Variants in USP47 observed in about 807,000 individuals in gnomAD.
The protein encoded by USP47 is ubiquitin specific peptidase 47, also known as ubiquitin carboxyl-terminal hydrolase 47.
Under a neutral mutation model 165.1 loss-of-function variants are expected in USP47, and 35 were observed. The ratio of observed to expected loss-of-function variants is 0.21; its 90% CI spans 0.16 to 0.28. USP47 has a LOEUF of 0.28. Among genes scored for constraint, USP47 ranks in the 10% least tolerant of loss-of-function variants. USP47 has a pLI of 1.00. For synonymous variants in USP47, 531 were observed against 544.5 expected (o/e 0.98, Z 0.35); for missense variants, 1,277 against 1,607.4 (o/e 0.79, Z 3.52).
intron 20 of USP47, among the ~76,000 whole-genome samples, chr11:11,945,857 C>G (rs1369558091): frequency 6.6e-6 from 1 of 151,512 alleles, no homozygotes; most frequent in Non-Finnish European, 1.5e-5. Context: ...ATCACTTGAG[C>G]CCAGAGGAGA....
chr11:11,850,718 T>C (rs2134136225), intron 1 of USP47, among the ~76,000 whole-genome samples: 1 of 152,316 alleles, frequency 6.6e-6, no homozygotes, highest in East Asian at 1.9e-4. Context: ...TCTTAGTCCA[T>C]TTGGGCTGCA....
intron 4 of USP47, among the ~76,000 whole-genome samples, chr11:11,895,745 G>A (rs1221015247): frequency 6.7e-6 from 1 of 150,296 alleles, no homozygotes; most frequent in Non-Finnish European, 1.5e-5. Flanking sequence ...CCTGTCTTTG[G>A]CCAGTTTTTT....
intron 1 of USP47, among the ~76,000 whole-genome samples, chr11:11,874,240 G>A (rs1482868703): frequency 6.6e-6 from 1 of 152,138 alleles, no homozygotes; most frequent in Non-Finnish European, 1.5e-5. Flanking sequence ...CAGAGCCTGT[G>A]TGCACTACAG....
chr11:11,903,644 T>G (rs1418917024), intron 7 of USP47, among the ~76,000 whole-genome samples: 1 of 152,188 alleles, frequency 6.6e-6, no homozygotes, highest in Non-Finnish European at 1.5e-5. Context: ...GTTTTGGGGA[T>G]GATTTTTGAA....
At chr11:11,895,124 T>C (rs1851769408) in intron 4 of USP47, among the ~76,000 whole-genome samples, 2 of 152,194 alleles carry the variant, frequency 1.3e-5, no homozygotes, top group African/African-American at 4.8e-5. Flanking sequence ...AAAATTCTTA[T>C]ACATACATTT....
At chr11:11,873,064 A>G (rs949194182) in intron 1 of USP47, among the ~76,000 whole-genome samples, 1 of 152,220 alleles carries the variant, frequency 6.6e-6, no homozygotes, top group African/African-American at 2.4e-5. Context: ...AGACTGGAGA[A>G]GATGAGATGA....
intron 10 of USP47, among the ~76,000 whole-genome samples, chr11:11,921,899 C>G (rs1853863984): frequency 1.3e-5 from 2 of 151,802 alleles, no homozygotes; most frequent in African/African-American, 4.8e-5. Context: ...ACCTAACCTT[C>G]TTGAGAGATG....
At chr11:11,924,316 C>A (rs1252053625) in intron 11 of USP47, among the ~76,000 whole-genome samples, 1 of 152,000 alleles carries the variant, frequency 6.6e-6, no homozygotes. Flanking sequence ...TGGAATGAAT[C>A]CTGCTTTGTC....
chr11:11,884,806 A>G (rs372243541), intron 3 of USP47: 31 of 396,538 alleles, frequency 7.8e-5, no homozygotes, highest in African/African-American at 6.4e-4. Context: ...CTTGGATTTA[A>G]CATATACTGC....
intron 11 of USP47, 150 bp downstream of exon 11, chr11:11,923,041 C>CATATATATATATAT (rs56976706): frequency 1.3e-4 from 18 of 139,832 alleles, no homozygotes; most frequent in East Asian, 2.0e-4. Flanking sequence ...TTTTTTTGTA[C>CATATATATATATAT]ATATATATAT....
Position 11,936,543 on chromosome 11 carries a change from G to A in USP47, c.2077+33G>A, listed in dbSNP as rs1855085988. The A allele has an allele frequency of 3.4e-6, 5 of 1,452,920 alleles. No homozygotes were observed. In the East Asian group the frequency reaches 1.2e-4, roughly 34 times the overall value. The allele number at this position is 1,452,920 out of a possible 1,614,324, so 90.0% of individuals were successfully genotyped here. ...ATTTTACACTATTTTTAGTTGTTCT[G>A]TACTTAGAATTTTCATGAGAAAGTT... On this transcript the variant is annotated intron_variant, in intron 17 of 27. Transcript: ENST00000527733.
chr11:11,888,412 A>G (rs1427918315), intron 3 of USP47, among the ~76,000 whole-genome samples: 24 of 152,202 alleles, frequency 1.6e-4, no homozygotes, highest in Admixed American at 1.3e-3. Context: ...ACGAAAAACC[A>G]TCAGAGAATA....
intron 1 of USP47, among the ~76,000 whole-genome samples, chr11:11,872,235 T>C (rs1309446525): frequency 6.6e-6 from 1 of 152,176 alleles, no homozygotes. Context: ...CTGGAACATC[T>C]ACACATAGTT....
chr11:11,880,194 A>G lies in USP47; in HGVS notation c.57A>G (p.Glu19=). The change falls in exon 2 of 28, where the codon GAA becomes GAG. Residue 19 remains glutamate (E), a synonymous_variant. Coordinates refer to ENST00000527733, the MANE Select transcript of USP47 (RefSeq NM_001282659.2). ...AATTTCAGATAGAAAATGCTGCTGA[A>G]GAACCTAGAGTCTTATGTATTATAC... ...LVPKEIENAA[E]EPRVLCIIQD... 1 of 1,476,158 alleles carries G rather than the reference A, an allele frequency of 6.8e-7. No homozygotes were observed. Among genetic ancestry groups the G allele is most frequent in the East Asian group, 2.7e-5 (1 of 36,908 alleles). 91.4% of individuals were successfully genotyped at this position (1,476,158 alleles called of 1,614,324 possible). A position where few individuals can be genotyped will look rare whatever the true frequency, so the allele number is the denominator to read the frequency against.
chr11:11,921,762 A>G (rs1853854443), intron 10 of USP47, among the ~76,000 whole-genome samples: 1 of 151,828 alleles, frequency 6.6e-6, no homozygotes, highest in African/African-American at 2.4e-5. Context: ...CTTAGTAGAA[A>G]CTTCCTAGAG....
intron 6 of USP47, 132 bp from the exon 7 acceptor site, chr11:11,903,131 C>T: frequency 1.1e-6 from 1 of 887,790 alleles, no homozygotes; most frequent in Non-Finnish European, 1.7e-6. Context: ...CATGTATATT[C>T]TTATGTTCTT....
chr11:11,886,182 A>G (rs1421404122), intron 3 of USP47, among the ~76,000 whole-genome samples: 11 of 152,154 alleles, frequency 7.2e-5, no homozygotes, highest in Admixed American at 6.5e-4. Flanking sequence ...AAAAGCCAGA[A>G]TGCCTCTTCT....
chr11:11,870,555 G>A (rs896532820), intron 1 of USP47, among the ~76,000 whole-genome samples: 2 of 152,182 alleles, frequency 1.3e-5, no homozygotes, highest in African/African-American at 4.8e-5. Flanking sequence ...CAAATTCTTT[G>A]AGTTTTCCTT....
intron 10 of USP47, among the ~76,000 whole-genome samples, chr11:11,922,246 A>G (rs774176438): frequency 6.6e-6 from 1 of 151,976 alleles, no homozygotes; most frequent in Admixed American, 6.6e-5. Flanking sequence ...CAAGTTCTTA[A>G]GGATGAATAC....
Sources: gnomAD v4.1 joint callset for allele counts (sites outside exome capture counted in the v4.1 genomes callset) on GRCh38, gnomAD v4.1.1 for gene constraint, MANE v1.5 for transcripts, NCBI Gene and HGNC (gene_info 2026-07-23, HGNC 2026-07-21) for gene names.